The following DIP2A variants were observed in gnomAD, a reference collection of about 807,000 sequenced individuals.
The protein encoded by DIP2A is disco-interacting protein 2 homolog A.
A neutral mutation model predicts 177.4 loss-of-function variants in DIP2A; 85 were observed. The observed-to-expected ratio is 0.48, with a 90% CI of 0.40 to 0.57. The LOEUF is 0.57. Among genes scored for constraint, DIP2A ranks in the 20% least tolerant of loss-of-function variants. DIP2A has a pLI of 0.00. For synonymous variants in DIP2A, 886 were observed against 881.8 expected (o/e 1.00, Z -0.08); for missense variants, 1,791 against 2,100.2 (o/e 0.85, Z 2.88).
chr21:46,529,144 G>C lies in DIP2A; in HGVS notation c.1155G>C (p.Leu385=). 2 of 1,535,398 alleles carry C rather than the reference G, an allele frequency of 1.3e-6. No homozygotes were observed. Among genetic ancestry groups the C allele is most frequent in the Non-Finnish European group, 1.8e-6 (2 of 1,140,592 alleles). The change falls in exon 9 of 38, where the codon CTG becomes CTC. Residue 385 remains leucine, a synonymous_variant. Transcript: ENST00000417564. ...TAGCTTATACTCTACTTAATAAACT[G>C]ACAAGTAAGAATGAACCTCTACTTA... is the stretch of plus-strand genomic sequence containing the variant. The part of the protein sequence containing the change: ...LKLAYTLLNK[L]TSKNEPLLKP...
chr21:46,470,205 T>C (rs2055226679), intron 1 of DIP2A, among the ~76,000 whole-genome samples: 1 of 151,964 alleles, frequency 6.6e-6, no homozygotes, highest in South Asian at 2.1e-4. Flanking sequence ...CTGGGCACAG[T>C]AGCTCATGCC....
chr21:46,485,835 G>A (rs1275415218), intron 2 of DIP2A, among the ~76,000 whole-genome samples: 1 of 152,054 alleles, frequency 6.6e-6, no homozygotes, highest in Non-Finnish European at 1.5e-5. Context: ...CACTTTGGGA[G>A]GCTGAGGTGG....
At position 46,550,572 on chromosome 21, in the gene DIP2A, G is replaced by T. The variant is rs1344891224; in HGVS notation, c.2667G>T (p.Val889=). 1 of 1,613,484 alleles carries T rather than the reference G, an allele frequency of 6.2e-7. No individual in the cohort carries two copies. Among genetic ancestry groups the T allele is most frequent in the Admixed American group, 1.7e-5 (1 of 59,952 alleles). ...TTGATAGCATCCACCAGGTGGGCGTGTACTGTCTGGCCCTGGTTCCTGCCA... is the reference window on the plus strand; with the variant it reads ...TTGATAGCATCCACCAGGTGGGCGTTTACTGTCTGGCCCTGGTTCCTGCCA... The part of the protein sequence containing the change: ...QAIDSIHQVG[V]YCLALVPANT... Residue 889 remains valine, a synonymous_variant, in exon 23 of 38, where the codon GTG becomes GTT. Transcript: ENST00000417564.
At chr21:46,534,179 T>G (rs2059464990) in intron 12 of DIP2A, 66 bp downstream of exon 12, 3 of 1,277,400 alleles carry the variant, frequency 2.3e-6, no homozygotes, top group Admixed American at 2.0e-5. Context: ...TTGCTTTTCA[T>G]AAGAATGTAA....
chr21:46,503,609 TTC>T (rs2057789894), intron 5 of DIP2A, among the ~76,000 whole-genome samples: 7 of 85,272 alleles, frequency 8.2e-5, no homozygotes, highest in African/African-American at 3.2e-4. Context: ...CCTTCCTTCC[TTC>T]CTTTCTTTCT....
the DIP2A span, among the ~76,000 whole-genome samples, chr21:46,582,470 GAT>G: frequency 6.6e-6 from 1 of 152,220 alleles, no homozygotes; most frequent in Non-Finnish European, 1.5e-5. Context: ...GGGATTTCCT[GAT>G]CTGTGAGTTG....
At chr21:46,482,643 A>G (rs1439808223) in intron 1 of DIP2A, among the ~76,000 whole-genome samples, 1 of 107,978 alleles carries the variant, frequency 9.3e-6, no homozygotes, top group African/African-American at 3.8e-5. Flanking sequence ...AGGAAGTGTC[A>G]AGCTTCCATG....
intron 35 of DIP2A, among the ~76,000 whole-genome samples, chr21:46,564,870 G>A (rs529780570): frequency 2.3e-4 from 35 of 152,172 alleles, no homozygotes; most frequent in Non-Finnish European, 3.8e-4. Flanking sequence ...CCCCTCAACC[G>A]TCCCACTTCC....
At chr21:46,554,786 G>GGGGGGGCCCC in intron 27 of DIP2A, 36 bp from the exon 28 acceptor site, 1 of 1,519,128 alleles carries the variant, frequency 6.6e-7, no homozygotes, top group Non-Finnish European at 8.8e-7. Flanking sequence ...AGCTTGAGAG[G>GGGGGGGCCCC]CCCCGCCCAC....
At chr21:46,550,301 A>G (rs12627695) in intron 22 of DIP2A, among the ~76,000 whole-genome samples, 123,181 of 152,192 alleles carry the variant, frequency 0.81, 50,123 homozygotes, top group African/African-American at 0.89. Context: ...TCAGCCTCTG[A>G]TCACAGATTT....
chr21:46,509,518 G>T, intron 7 of DIP2A, 142 bp downstream of exon 7: 1 of 1,080,410 alleles, frequency 9.3e-7, no homozygotes, highest in Non-Finnish European at 1.2e-6. Context: ...GGGTGTAATG[G>T]TGAATTTAGA....
chr21:46,528,783 C>T (rs1006217843), intron 8 of DIP2A, among the ~76,000 whole-genome samples: 1 of 151,872 alleles, frequency 6.6e-6, no homozygotes, highest in Non-Finnish European at 1.5e-5. Flanking sequence ...CTGCCTCGTC[C>T]TTCCAAAGTA....
intron 23 of DIP2A, 59 bp downstream of exon 23, chr21:46,550,803 G>T (rs1205044433): frequency 1.9e-6 from 3 of 1,559,026 alleles, no homozygotes; most frequent in Non-Finnish European, 1.8e-6. Flanking sequence ...AGCGGTGCTT[G>T]TGGTTAGGGT....
downstream of DIP2A, among the ~76,000 whole-genome samples, chr21:46,570,091 T>C (rs767462701): frequency 6.6e-6 from 1 of 152,224 alleles, no homozygotes; most frequent in African/African-American, 2.4e-5. Context: ...ATTTGCTGTA[T>C]TGCCGTACAT....
At chr21:46,528,962 T>A in intron 8 of DIP2A, 130 bp from the exon 9 acceptor site, 1 of 533,298 alleles carries the variant, frequency 1.9e-6, no homozygotes, top group Non-Finnish European at 3.2e-6. Flanking sequence ...GAATAGTTAT[T>A]AGTTGGAAAC....
Position 46,567,704 on chromosome 21 carries a change from A to G in DIP2A, c.*82A>G. On this transcript the variant is annotated 3_prime_UTR_variant, in exon 38 of 38. Transcript: ENST00000417564. ...GATGTGGGAAGACACCGCAGAGCTC[A>G]CTCACCGGGACTCGCCCTTCCTGTG... 6.7e-7 allele frequency: 1 copy of G among 1,483,890 alleles called. No homozygotes were observed. The highest frequency in any genetic ancestry group is 2.3e-5 in the Admixed American group (1 of 44,444). The allele number at this position is 1,483,890 out of a possible 1,614,324, so 91.9% of individuals were successfully genotyped here.
chr21:46,477,292 C>T (rs905268452), intron 1 of DIP2A, among the ~76,000 whole-genome samples: 9 of 151,964 alleles, frequency 5.9e-5, no homozygotes, highest in African/African-American at 1.9e-4. Flanking sequence ...CGTCTGTAAT[C>T]CCAGCACTTT....
At chr21:46,459,566 C>G (rs1460915319) in intron 1 of DIP2A, among the ~76,000 whole-genome samples, 1 of 140,586 alleles carries the variant, frequency 7.1e-6, no homozygotes, top group African/African-American at 2.6e-5. Flanking sequence ...CCCCCGGAAC[C>G]CCGCGCGGCC....
intron 4 of DIP2A, among the ~76,000 whole-genome samples, chr21:46,497,890 A>C (rs972819288): frequency 6.6e-6 from 1 of 152,256 alleles, no homozygotes; most frequent in East Asian, 1.9e-4. Context: ...TTTTTGCTAA[A>C]TATAGCTATA....
Sources: allele counts gnomAD v4.1 joint callset (sites outside exome capture counted in the v4.1 genomes callset), GRCh38; gene constraint gnomAD v4.1.1; transcripts MANE v1.5; gene names NCBI Gene and HGNC (gene_info 2026-07-23, HGNC 2026-07-21).